CDC42SE2: variants seen among roughly 807,000 people sequenced by gnomAD.
CDC42SE2 encodes the protein CDC42 small effector 2.
Under a neutral mutation model 11.5 loss-of-function variants are expected in CDC42SE2, and 3 were observed. The observed-to-expected ratio is 0.26, with a 90% CI of 0.12 to 0.67. The LOEUF (loss-of-function observed/expected upper bound fraction) is 0.67. Among genes scored for constraint, CDC42SE2 ranks in the 30% least tolerant of loss-of-function variants. The pLI is 0.80. For missense variants in CDC42SE2, 82 were observed against 106.8 expected (o/e 0.77, Z 1.02); for synonymous variants, 33 against 34.8 (o/e 0.95, Z 0.18).
chr5:131,321,881 C>T (rs910356643), intron 2 of CDC42SE2, among the ~76,000 whole-genome samples: 8 of 152,198 alleles, frequency 5.3e-5, no homozygotes, highest in East Asian at 1.9e-4. Flanking sequence ...GACGGAGTCT[C>T]GCTGTGTCGC....
the CDC42SE2 span, among the ~76,000 whole-genome samples, chr5:131,237,561 C>T: frequency 1.3e-5 from 2 of 152,098 alleles, no homozygotes; most frequent in East Asian, 3.8e-4. Context: ...ACATACATCA[C>T]ATTTTTTTTG....
At chr5:131,384,935 A>AT (rs1750435370) in intron 3 of CDC42SE2, among the ~76,000 whole-genome samples, 2 of 146,930 alleles carry the variant, frequency 1.4e-5, no homozygotes, top group Non-Finnish European at 3.0e-5. Context: ...AAAAAAAAAA[A>AT]TTAAGAAGAG....
intron 3 of CDC42SE2, among the ~76,000 whole-genome samples, chr5:131,373,424 A>G (rs1284692424): frequency 6.6e-6 from 1 of 152,170 alleles, no homozygotes; most frequent in Admixed American, 6.5e-5. Context: ...TCATCTTAGA[A>G]TGCCTGCAGC....
chr5:131,378,203 G>T (rs554996932), intron 3 of CDC42SE2, among the ~76,000 whole-genome samples: 7 of 152,234 alleles, frequency 4.6e-5, no homozygotes, highest in African/African-American at 1.7e-4. Context: ...TGGGGCAAGG[G>T]TGTTTCATAT....
intron 2 of CDC42SE2, among the ~76,000 whole-genome samples, chr5:131,334,485 G>A (rs1758504978): frequency 6.6e-6 from 1 of 152,154 alleles, no homozygotes; most frequent in South Asian, 2.1e-4. Flanking sequence ...TCCCTAAAAT[G>A]AGTTAGGGAG....
chr5:131,330,975 G>A (rs769790757), intron 2 of CDC42SE2, among the ~76,000 whole-genome samples: 14 of 152,028 alleles, frequency 9.2e-5, no homozygotes, highest in Non-Finnish European at 1.8e-4. Context: ...GCAGGGAGCC[G>A]TGATTGCACC....
At chr5:131,294,624 T>A (rs1474007679) in intron 1 of CDC42SE2, among the ~76,000 whole-genome samples, 1 of 152,172 alleles carries the variant, frequency 6.6e-6, no homozygotes, top group Non-Finnish European at 1.5e-5. Context: ...AGATGGTGAC[T>A]ACTAGGGTAG....
chr5:131,291,348 G>A (rs1282987159), intron 1 of CDC42SE2, among the ~76,000 whole-genome samples: 1 of 152,104 alleles, frequency 6.6e-6, no homozygotes, highest in African/African-American at 2.4e-5. Flanking sequence ...CCACTCCTAG[G>A]AATTGATTAA....
chr5:131,279,930 G>A (rs1757204126), intron 1 of CDC42SE2, among the ~76,000 whole-genome samples: 1 of 152,080 alleles, frequency 6.6e-6, no homozygotes, highest in African/African-American at 2.4e-5. Flanking sequence ...AAAATTAGCT[G>A]GGCATGAGTG....
At chr5:131,285,699 A>G (rs1297391313) in intron 1 of CDC42SE2, among the ~76,000 whole-genome samples, 1 of 152,204 alleles carries the variant, frequency 6.6e-6, no homozygotes, top group African/African-American at 2.4e-5. Flanking sequence ...AAATCATTGC[A>G]TGGTCTGGAA....
intron 1 of CDC42SE2, among the ~76,000 whole-genome samples, chr5:131,301,414 C>T (rs563960043): frequency 6.6e-6 from 1 of 152,170 alleles, no homozygotes; most frequent in African/African-American, 2.4e-5. Context: ...ATTTTATTTA[C>T]TGAAACATCA....
In CDC42SE2 at chr5:131,287,633, TTC is replaced by T. The variant is rs1435440474; in HGVS notation, c.-455+23469_-455+23470del. 2.6e-5 allele frequency among the ~76,000 whole-genome samples: 4 copies of T among 152,008 alleles called. No individual in the cohort carries two copies. The East Asian group carries it at 7.8e-4, about 29-fold the overall frequency. Reference sequence around the variant, plus strand: ...GTGTGCCACCATGCCCAGCTTTTTTTTCTTTTTTTTTGCATTTTTTTGTAGAG... The same window carrying T: ...GTGTGCCACCATGCCCAGCTTTTTTTTTTTTTTTTGCATTTTTTTGTAGAG... On this transcript the variant is annotated intron_variant, in intron 1 of 4. Transcript: ENST00000505065.
Position 131,361,097 on chromosome 5 carries a change from A to ATTTAT in CDC42SE2, c.54+1563_54+1567dup, listed in dbSNP as rs1211243430. 3.4e-5 allele frequency among the ~76,000 whole-genome samples: 5 copies of ATTTAT among 148,398 alleles called. No homozygotes were observed. In the South Asian group the frequency reaches 6.3e-4, roughly 19 times the overall value. ...TGTTTTTTTTTTTGGATTGCATTGAATTTATTTTATTTTATTTATTTATTT... is the reference window on the plus strand; with the variant it reads ...TGTTTTTTTTTTTGGATTGCATTGAATTTATTTTATTTTATTTTATTTATTTATTT... On this transcript the variant is annotated intron_variant, in intron 3 of 4. Coordinates refer to ENST00000505065, the MANE Select transcript of CDC42SE2 (RefSeq NM_001375635.1).
At chr5:131,271,079 T>C (rs1004238462) in intron 1 of CDC42SE2, among the ~76,000 whole-genome samples, 2 of 152,230 alleles carry the variant, frequency 1.3e-5, no homozygotes, top group African/African-American at 4.8e-5. Context: ...GAGGATTCTA[T>C]GTCTAGGAAG....
chr5:131,366,305 G>GTTTTCAAAACTGTGGA (rs1749854748), intron 3 of CDC42SE2, among the ~76,000 whole-genome samples: 1 of 152,226 alleles, frequency 6.6e-6, no homozygotes, highest in Non-Finnish European at 1.5e-5. Context: ...CTGTGGAACA[G>GTTTTCAAAACTGTGGA]ACAGGTTCTG....
chr5:131,258,519 CT>C (rs915996343), intron 2 of CDC42SE2, among the ~76,000 whole-genome samples: 4 of 148,910 alleles, frequency 2.7e-5, no homozygotes, highest in Non-Finnish European at 3.0e-5. Context: ...CAATTCCTAA[CT>C]TTTTTTTTTG....
intron 2 of CDC42SE2, among the ~76,000 whole-genome samples, chr5:131,336,339 T>A (rs1218535958): frequency 3.9e-5 from 6 of 152,258 alleles, no homozygotes; most frequent in South Asian, 4.1e-4. Context: ...CCGAGAGATC[T>A]GCTGTTAGTC....
chr5:131,323,546 G>GT (rs1561584661), intron 2 of CDC42SE2, among the ~76,000 whole-genome samples: 3 of 96,628 alleles, frequency 3.1e-5, no homozygotes, highest in African/African-American at 9.2e-5. Flanking sequence ...CTCTCTCTCT[G>GT]GTTTTTTTTT....
At chr5:131,261,376 T>C (rs1756724245), upstream of CDC42SE2, 1 of 152,236 alleles carries the variant, frequency 6.6e-6, no homozygotes, top group African/African-American at 2.4e-5. Flanking sequence ...CAGATTAACA[T>C]TGATGAAACA....
Sources: gnomAD v4.1 joint callset for allele counts (sites outside exome capture counted in the v4.1 genomes callset) on GRCh38, gnomAD v4.1.1 for gene constraint, MANE v1.5 for transcripts, NCBI Gene and HGNC (gene_info 2026-07-23, HGNC 2026-07-21) for gene names.